The following COCH variants were observed in gnomAD, a reference collection of about 807,000 sequenced individuals.
COCH encodes the protein cochlin.
A neutral mutation model predicts 54.8 loss-of-function variants in COCH; 40 were observed. The observed-to-expected ratio is 0.73, with a 90% CI of 0.57 to 0.95. COCH has a LOEUF of 0.95. Among genes scored for constraint, COCH ranks in the 40% least tolerant of loss-of-function variants. COCH has a pLI of 0.00. For missense variants in COCH, 605 were observed against 675.0 expected (o/e 0.90, Z 1.15); for synonymous variants, 256 against 237.9 (o/e 1.08, Z -0.70).
chr14:30,893,149 ATTTTTTTT>A (rs754080275), downstream of COCH, among the ~76,000 whole-genome samples: 12 of 91,266 alleles, frequency 1.3e-4, no homozygotes, highest in South Asian at 3.5e-4. Context: ...AAAAACCACA[ATTTTTTTT>A]TTTTTTTTTT....
At chr14:30,884,982 C>G (rs771960556) in intron 9 of COCH, 7 of 1,598,306 alleles carry the variant, frequency 4.4e-6, no homozygotes, top group Non-Finnish European at 5.9e-6. Context: ...CTAATGAATG[C>G]AGATGTGGCA....
chr14:30,887,426 T>TC (rs1357721618), intron 11 of COCH, among the ~76,000 whole-genome samples: 46 of 151,002 alleles, frequency 3.0e-4, no homozygotes, highest in Admixed American at 5.9e-4. Flanking sequence ...AAAAACTTTT[T>TC]CCCCCCCGCT....
chr14:30,888,838 T>C (rs17097459), intron 11 of COCH, among the ~76,000 whole-genome samples: 9,402 of 151,804 alleles, frequency 0.062, 517 homozygotes, highest in African/African-American at 0.15. Context: ...CAATTGGGAT[T>C]GGGGTGAATC....
chr14:30,879,492 A>G lies in COCH; in HGVS notation c.436+7A>G. 1 of 1,614,040 alleles carries G rather than the reference A, an allele frequency of 6.2e-7. No individual in the cohort carries two copies. Among genetic ancestry groups the G allele is most frequent in the Non-Finnish European group, 8.5e-7 (1 of 1,179,898 alleles). The stretch of plus-strand genomic sequence containing the variant: ...ACAGCACATCCACCAACAGGTATGA[A>G]CTATGAAACCTATCTCCTAGTTGCC... On this transcript the variant is annotated splice_region_variant and intron_variant, in intron 6 of 11. Coordinates refer to ENST00000396618, the MANE Select transcript of COCH (RefSeq NM_004086.3).
chr14:30,888,095 G>T lies in COCH; in HGVS notation c.1478-1521G>T, dbSNP rs116982595. Among the ~76,000 whole-genome samples the T allele has an allele frequency of 5.0e-3, 763 of 151,770 alleles. 8 individuals are homozygous for T. The highest frequency in any genetic ancestry group is 0.011 in the African/African-American group (454 of 41,414). On this transcript the variant is annotated intron_variant, in intron 11 of 11. Coordinates refer to ENST00000396618, the MANE Select transcript of COCH (RefSeq NM_004086.3). ...AGTTTTTATTTATTTTCAGGGTCTT[G>T]CTCTGTCACCCAGGCTGGAGTACAG...
intron 6 of COCH, among the ~76,000 whole-genome samples, chr14:30,879,832 T>C (rs947805866): frequency 1.3e-5 from 2 of 150,986 alleles, no homozygotes; most frequent in Non-Finnish European, 2.9e-5. Flanking sequence ...TTTAATTTTT[T>C]TTATTTTTAT....
At chr14:30,879,401 A>G (rs1304582736) in intron 5 of COCH, 22 bp from the exon 6 acceptor site, 2 of 1,612,666 alleles carry the variant, frequency 1.2e-6, no homozygotes, top group Non-Finnish European at 1.7e-6. Flanking sequence ...GGAAAAAAAT[A>G]AGCTTATTTT....
chr14:30,885,305 A>G, intron 9 of COCH, 89 bp from the exon 10 acceptor site: 18 of 1,191,784 alleles, frequency 1.5e-5, no homozygotes, highest in Non-Finnish European at 2.2e-5. Flanking sequence ...TATAATTCTT[A>G]AACTTTGCAG....
chr14:30,879,060 C>G, intron 5 of COCH, 116 bp downstream of exon 5: 1 of 1,443,252 alleles, frequency 6.9e-7, no homozygotes, highest in Non-Finnish European at 9.6e-7. Flanking sequence ...AAGACTAAAG[C>G]TGACCTATAG....
intron 1 of COCH, 50 bp from the exon 2 acceptor site, chr14:30,874,866 C>T (rs963131766): frequency 1.3e-6 from 2 of 1,557,820 alleles, no homozygotes; most frequent in African/African-American, 1.4e-5. Flanking sequence ...GGAGGTGACG[C>T]GCGGGGCCTC....
intron 9 of COCH, 158 bp downstream of exon 9, chr14:30,884,814 C>T: frequency 7.3e-7 from 1 of 1,371,314 alleles, no homozygotes; most frequent in Non-Finnish European, 9.8e-7. Context: ...GATAAATTTT[C>T]AATTTATAAT....
At chr14:30,882,464 AT>A (rs1424225792) in intron 8 of COCH, among the ~76,000 whole-genome samples, 6 of 152,184 alleles carry the variant, frequency 3.9e-5, no homozygotes, top group Non-Finnish European at 8.8e-5. Context: ...TGACTGTATT[AT>A]TTTTTAAAAA....
At position 30,879,436 on chromosome 14, in the gene COCH, T is replaced by C. The variant is rs1396609888; in HGVS notation, c.387T>C (p.Ser129=). The change falls in exon 6 of 12, where the codon AGT becomes AGC. Residue 129 remains serine, a synonymous_variant. Coordinates refer to ENST00000396618, the MANE Select transcript of COCH (RefSeq NM_004086.3). ...ASFTVTKGKS[S]TQEATGQAVS... is the part of the protein sequence containing the mutation. ...TTATTTTAACAGAAGGCAAAAGTAG[T>C]ACACAGGAGGCCACAGGACAAGCAG... 4 of 1,614,040 alleles carry C rather than the reference T, an allele frequency of 2.5e-6. No homozygotes were observed. Among genetic ancestry groups the C allele is most frequent in the Non-Finnish European group, 3.4e-6 (4 of 1,179,960 alleles).
intron 6 of COCH, 84 bp downstream of exon 6, chr14:30,879,569 C>A: frequency 7.1e-7 from 1 of 1,409,864 alleles, no homozygotes; most frequent in Non-Finnish European, 1.0e-6. Context: ...AGAAGCTTTT[C>A]TTAAAGAAAT....
intron 8 of COCH, among the ~76,000 whole-genome samples, chr14:30,881,921 G>A (rs1337312658): frequency 6.6e-6 from 1 of 151,478 alleles, no homozygotes; most frequent in East Asian, 1.9e-4. Context: ...CCAAGATCGT[G>A]CCACTGCACT....
chr14:30,894,905 TTTTA>T, downstream of COCH: 1 of 1,077,334 alleles, frequency 9.3e-7, no homozygotes, highest in Non-Finnish European at 1.2e-6. Flanking sequence ...TTTTTTTTTT[TTTTA>T]AAGCAAAATA....
Position 30,890,135 on chromosome 14 carries a change from C to G in COCH, c.*344C>G. ...CAATAAAAGAATCTGATACTTAGAC[C>G]AAAAGCAACATTCGTTCTCTAACCA... On this transcript the variant is annotated 3_prime_UTR_variant, in exon 12 of 12. Coordinates refer to ENST00000396618, the MANE Select transcript of COCH (RefSeq NM_004086.3). The G allele has an allele frequency of 9.9e-7, 1 of 1,012,814 alleles. No individual in the cohort carries two copies. 62.7% of individuals were successfully genotyped at this position (1,012,814 alleles called of 1,614,324 possible).
At position 30,879,504 on chromosome 14, in the gene COCH, A is replaced by C; in HGVS notation, c.436+19A>C. 6.2e-7 allele frequency: 1 copy of C among 1,612,378 alleles called. No individual in the cohort carries two copies. The highest frequency in any genetic ancestry group is 1.3e-5 in the African/African-American group (1 of 75,036). On this transcript the variant is annotated intron_variant, in intron 6 of 11. Coordinates refer to ENST00000396618, the MANE Select transcript of COCH (RefSeq NM_004086.3). ...CCAACAGGTATGAACTATGAAACCT[A>C]TCTCCTAGTTGCCCGGCACAGCATT...
At chr14:30,881,212 CAAAA>C (rs11297000) in intron 8 of COCH, among the ~76,000 whole-genome samples, 4 of 93,436 alleles carry the variant, frequency 4.3e-5, no homozygotes, top group Admixed American at 1.1e-4. Context: ...GACTATGTCT[CAAAA>C]AAAAAAAAAA....
Sources: allele counts gnomAD v4.1 joint callset (sites outside exome capture counted in the v4.1 genomes callset), GRCh38; gene constraint gnomAD v4.1.1; transcripts MANE v1.5; gene names NCBI Gene and HGNC (gene_info 2026-07-23, HGNC 2026-07-21).